Variants in ZBBX observed in about 807,000 individuals in gnomAD.
ZBBX encodes the protein zinc finger B-box domain-containing protein 1.
Under a neutral mutation model 108.5 loss-of-function variants are expected in ZBBX, and 101 were observed. That is an observed-to-expected ratio of 0.93 (90% CI 0.79 to 1.10). The LOEUF (loss-of-function observed/expected upper bound fraction) is 1.10, where lower values mean the gene tolerates loss of function less well. ZBBX is among the 50% of genes least tolerant of loss of function. The pLI is 0.00. For synonymous variants in ZBBX, 356 were observed against 323.4 expected (o/e 1.10, Z -1.08); for missense variants, 1,009 against 941.4 (o/e 1.07, Z -0.94).
chr3:167,352,261 G>C (rs545149999), intron 8 of ZBBX, among the ~76,000 whole-genome samples: 2 of 152,122 alleles, frequency 1.3e-5, no homozygotes, highest in East Asian at 3.9e-4. Context: ...AGAAAAATGA[G>C]AGAGGATTCA....
chr3:167,319,641 T>C (rs188966972), intron 12 of ZBBX, among the ~76,000 whole-genome samples: 48 of 152,088 alleles, frequency 3.2e-4, no homozygotes, highest in Non-Finnish European at 2.5e-4. Flanking sequence ...AGGCTACAGA[T>C]AAAAGCATGA....
rs1437689663 is a variant in ZBBX at position 167,285,455 on chromosome 3, TAC to T, written c.1997-2962_1997-2961del. Among the ~76,000 whole-genome samples the T allele has an allele frequency of 3.6e-3, 554 of 152,270 alleles. 2 individuals are homozygous for T. Among genetic ancestry groups the T allele is most frequent in the Non-Finnish European group, 6.2e-3 (424 of 67,990 alleles). On this transcript the variant is annotated intron_variant, in intron 19 of 21. Coordinates refer to ENST00000675490, the MANE Select transcript of ZBBX (RefSeq NM_001199201.2). ...CACTGTATCAACTGCTGAGAATTTA[TAC>T]ATAAAAAGAATTCTTAGAAATGTAT... is the stretch of plus-strand genomic sequence containing the variant.
the ZBBX span, among the ~76,000 whole-genome samples, chr3:167,209,780 C>T: frequency 6.6e-6 from 1 of 152,088 alleles, no homozygotes; most frequent in Non-Finnish European, 1.5e-5. Flanking sequence ...AGATGTATGA[C>T]CTTCCAGACA....
chr3:167,318,775 AC>A lies in ZBBX; in HGVS notation c.984-1179del, dbSNP rs572182319. Among the ~76,000 whole-genome samples, 313 of 151,884 alleles carry A rather than the reference AC, an allele frequency of 2.1e-3. 1 individual carries two copies. The highest frequency in any genetic ancestry group is 3.4e-3 in the Non-Finnish European group (232 of 67,880). On this transcript the variant is annotated intron_variant, in intron 12 of 21. Transcript: ENST00000675490. ...TGCATAAAGTCATATGGACCACAGT[AC>A]CCCCCAAAAAAAATAGCCTGAAGAG...
chr3:167,318,950 T>C (rs1020725665), intron 12 of ZBBX, among the ~76,000 whole-genome samples: 2 of 151,910 alleles, frequency 1.3e-5, no homozygotes, highest in Non-Finnish European at 2.9e-5. Context: ...AAAAACTGAA[T>C]ACCAAGTGTT....
intron 1 of ZBBX, chr3:167,401,493 G>A (rs962760536): frequency 2.0e-5 from 3 of 152,134 alleles, no homozygotes; most frequent in African/African-American, 7.2e-5. Context: ...GAAGGCTGCT[G>A]GTTGCTTATT....
At chr3:167,400,129 G>A (rs762868010) in intron 1 of ZBBX, among the ~76,000 whole-genome samples, 3 of 152,042 alleles carry the variant, frequency 2.0e-5, no homozygotes, top group African/African-American at 7.2e-5. Flanking sequence ...AGTTGATTCC[G>A]TGTCTTTTTT....
chr3:167,179,529 G>T, the ZBBX span, among the ~76,000 whole-genome samples: 1 of 152,292 alleles, frequency 6.6e-6, no homozygotes, highest in South Asian at 2.1e-4. Context: ...GTTTGCAATT[G>T]GGTAAATAAA....
At chr3:167,232,636 G>A in the ZBBX span, among the ~76,000 whole-genome samples, 1 of 151,802 alleles carries the variant, frequency 6.6e-6, no homozygotes, top group Admixed American at 6.6e-5. Flanking sequence ...AGTCTCTTAG[G>A]ACTCTCATAG....
the ZBBX span, among the ~76,000 whole-genome samples, chr3:167,200,921 A>G: frequency 1.3e-5 from 2 of 152,142 alleles, no homozygotes; most frequent in African/African-American, 2.4e-5. Flanking sequence ...GGGCCTTACA[A>G]GATGGATAAG....
chr3:167,395,512 A>T (rs1396731933), intron 1 of ZBBX, among the ~76,000 whole-genome samples: 1 of 152,034 alleles, frequency 6.6e-6, no homozygotes, highest in Non-Finnish European at 1.5e-5. Flanking sequence ...CTCATGCAGC[A>T]ACAATGGACA....
At chr3:167,329,924 C>T (rs1021176050) in intron 10 of ZBBX, among the ~76,000 whole-genome samples, 6 of 152,110 alleles carry the variant, frequency 3.9e-5, no homozygotes, top group African/African-American at 1.2e-4. Flanking sequence ...AGACATTTGC[C>T]CACATTGATC....
intron 20 of ZBBX, among the ~76,000 whole-genome samples, chr3:167,281,954 A>G (rs1728878518): frequency 6.6e-6 from 1 of 152,204 alleles, no homozygotes; most frequent in Admixed American, 6.5e-5. Flanking sequence ...AAAGGAGAAA[A>G]AAAGATTTTT....
chr3:167,303,038 T>G (rs1263793564), intron 17 of ZBBX, among the ~76,000 whole-genome samples: 2 of 152,172 alleles, frequency 1.3e-5, no homozygotes, highest in East Asian at 3.9e-4. Flanking sequence ...AAAATATACT[T>G]TGGAACAAAT....
rs1560111931 is a variant in ZBBX at position 167,315,839 on chromosome 3, TTAA to T, written c.1195-13_1195-11del. 1.3e-6 allele frequency: 2 copies of T among 1,527,504 alleles called. No homozygotes were observed. The highest frequency in any genetic ancestry group is 1.8e-6 in the Non-Finnish European group (2 of 1,114,892). The allele number at this position is 1,527,504 out of a possible 1,614,324, so 94.6% of individuals were successfully genotyped here. On this transcript the variant is annotated splice_polypyrimidine_tract_variant and intron_variant, in intron 14 of 21. Coordinates refer to ENST00000675490, the MANE Select transcript of ZBBX (RefSeq NM_001199201.2). The stretch of plus-strand genomic sequence containing the variant: ...ATTCCTCTTCATAAGTCTTATTAAA[TTAA>T]TGTTATATAATATTAGTAAGTTCAT...
the ZBBX span, among the ~76,000 whole-genome samples, chr3:167,187,396 T>C: frequency 6.6e-6 from 1 of 152,174 alleles, no homozygotes; most frequent in African/African-American, 2.4e-5. Flanking sequence ...GTAGCCCATC[T>C]GGAGTGCTCA....
At chr3:167,224,622 C>T in the ZBBX span, among the ~76,000 whole-genome samples, 13 of 151,694 alleles carry the variant, frequency 8.6e-5, no homozygotes, top group South Asian at 2.1e-4. Flanking sequence ...AACATGCCAT[C>T]GTTAATAGCA....
intron 1 of ZBBX, among the ~76,000 whole-genome samples, chr3:167,390,178 A>G (rs889381224): frequency 6.6e-6 from 1 of 152,136 alleles, no homozygotes; most frequent in Admixed American, 6.6e-5. Flanking sequence ...AGTTTCCTGC[A>G]TATGGCTAGC....
chr3:167,331,922 G>A (rs972580878), intron 10 of ZBBX, among the ~76,000 whole-genome samples: 10 of 152,042 alleles, frequency 6.6e-5, no homozygotes, highest in African/African-American at 2.4e-4. Context: ...TTCGTGAACT[G>A]TACCTCTTTC....
Sources: allele counts gnomAD v4.1 joint callset (sites outside exome capture counted in the v4.1 genomes callset), GRCh38; gene constraint gnomAD v4.1.1; transcripts MANE v1.5; gene names NCBI Gene and HGNC (gene_info 2026-07-23, HGNC 2026-07-21).